EHMT1: variants seen among roughly 807,000 people sequenced by gnomAD.
EHMT1 encodes euchromatic histone lysine methyltransferase 1.
EHMT1 carries 15 observed loss-of-function variants against 147.2 expected under a neutral mutation model. The ratio of observed to expected loss-of-function variants is 0.10; its 90% CI spans 0.07 to 0.16. The LOEUF (loss-of-function observed/expected upper bound fraction) is 0.16, where lower values mean the gene tolerates loss of function less well. Ranked by LOEUF, EHMT1 falls within the 10% of genes least tolerant of loss-of-function variation. The pLI is 1.00. For missense variants in EHMT1, 1,587 were observed against 1,772.4 expected, an observed-to-expected ratio of 0.90 and a Z score of 1.88; for synonymous variants, 795 against 709.6, an observed-to-expected ratio of 1.12 and a Z score of -1.91.
intron 1 of EHMT1, among the ~76,000 whole-genome samples, chr9:137,644,584 C>T (rs1331170818): frequency 6.6e-6 from 1 of 152,074 alleles, no homozygotes; most frequent in East Asian, 1.9e-4. Flanking sequence ...CCTCGGCCTC[C>T]CAAAGTGCTG....
chr9:137,708,802 C>T (rs1944455822), intron 1 of EHMT1, among the ~76,000 whole-genome samples: 2 of 152,176 alleles, frequency 1.3e-5, no homozygotes, highest in Non-Finnish European at 2.9e-5. Flanking sequence ...GTCTGAGTGG[C>T]ATGTCCAGGC....
At chr9:137,658,529 C>T (rs1938727038) in intron 1 of EHMT1, among the ~76,000 whole-genome samples, 1 of 151,872 alleles carries the variant, frequency 6.6e-6, no homozygotes, top group Non-Finnish European at 1.5e-5. Context: ...GTGTTTCTGT[C>T]CCTTTACCTT....
In EHMT1 at chr9:137,703,654, C is replaced by A. The variant is rs78247858; in HGVS notation, c.22-7313C>A. Among the ~76,000 whole-genome samples the A allele has an allele frequency of 2.6e-5, 4 of 152,250 alleles. No individual in the cohort carries two copies. In the East Asian group the frequency reaches 5.8e-4, roughly 22 times the overall value. On this transcript the variant is annotated intron_variant, in intron 1 of 26. Transcript: ENST00000460843. ...ATAGGTTCCTCATCTCCATCTGAGA[C>A]CTCCTCAGCTTGGACTTCATTGTCC...
chr9:137,722,218 C>T (rs562770659), intron 3 of EHMT1, among the ~76,000 whole-genome samples: 2 of 152,098 alleles, frequency 1.3e-5, no homozygotes, highest in Non-Finnish European at 2.9e-5. Flanking sequence ...TCGTGAGGAT[C>T]TTTTATTGTC....
rs1366879711 is a variant in EHMT1, at chr9:137,782,035, C to A, written c.2276-256C>A. ...CACAGAAGGAACCTCAGAGTTAGAG[C>A]AGGGTGGTAAAGGGAAGAGCGTGCC... On this transcript the variant is annotated intron_variant, in intron 14 of 26. Transcript: ENST00000460843. This position sits in a 1 kb window ranked among gnomAD's most constrained non-coding sequence, Gnocchi z 5.7. 6.6e-6 allele frequency among the ~76,000 whole-genome samples: 1 copy of A among 152,218 alleles called. No individual in the cohort carries two copies. The highest frequency in any genetic ancestry group is 1.5e-5 in the Non-Finnish European group (1 of 68,032).
intron 1 of EHMT1, among the ~76,000 whole-genome samples, chr9:137,624,184 G>C (rs978108239): frequency 2.0e-5 from 3 of 151,804 alleles, no homozygotes; most frequent in Non-Finnish European, 2.9e-5. Context: ...TGTATTTTTA[G>C]TAGAGACGGG....
Position 137,828,295 on chromosome 9 carries a change from C to A in EHMT1, c.3541-6054C>A, listed in dbSNP as rs1955955703. On this transcript the variant is annotated intron_variant, in intron 25 of 26. Transcript: ENST00000460843. This position sits in a 1 kb window ranked among gnomAD's most constrained non-coding sequence, Gnocchi z 5.3. ...TCTTCAGGGTGCATGGAACCCACAC[C>A]CTGTCCCCAAAGATGCCCTGGACAT... Among the ~76,000 whole-genome samples the A allele has an allele frequency of 6.6e-6, 1 of 151,594 alleles. No homozygotes were observed. Among genetic ancestry groups the A allele is most frequent in the Admixed American group, 6.6e-5 (1 of 15,238 alleles).
rs146383113 is a variant in EHMT1 at position 137,679,939 on chromosome 9, C to G, written c.22-31028C>G. 2.3e-3 allele frequency among the ~76,000 whole-genome samples: 344 copies of G among 152,298 alleles called. 1 individual carries two copies. The highest frequency in any genetic ancestry group is 8.0e-3 in the African/African-American group (332 of 41,542). On this transcript the variant is annotated intron_variant, in intron 1 of 26. Transcript: ENST00000460843. The stretch of plus-strand genomic sequence containing the variant: ...TTTTATGATTCTTTCACTCATTGAT[C>G]TGCAATGCTGATGGCCTTCTCCTCC...
At chr9:137,769,244 CTAT>C (rs1950443254) in intron 10 of EHMT1, among the ~76,000 whole-genome samples, 2 of 149,128 alleles carry the variant, frequency 1.3e-5, no homozygotes, top group Middle Eastern at 3.4e-3. Context: ...AGTATATTGG[CTAT>C]TATTTTTGCT....
At chr9:137,725,975 G>A (rs954464828) in intron 3 of EHMT1, among the ~76,000 whole-genome samples, 1 of 152,140 alleles carries the variant, frequency 6.6e-6, no homozygotes, top group Non-Finnish European at 1.5e-5. Flanking sequence ...CCTCAGAGCT[G>A]TCTCTGCAGC....
chr9:137,633,509 G>A (rs897700052), intron 1 of EHMT1, among the ~76,000 whole-genome samples: 1 of 152,116 alleles, frequency 6.6e-6, no homozygotes, highest in African/African-American at 2.4e-5. Flanking sequence ...ACCGATAGCT[G>A]TTGCCATATT....
chr9:137,646,307 G>A (rs921321364), intron 1 of EHMT1: 23 of 974,980 alleles, frequency 2.4e-5, no homozygotes, highest in Non-Finnish European at 2.7e-5. Flanking sequence ...AATGATGTCT[G>A]TGGCATTTCC....
intron 1 of EHMT1, among the ~76,000 whole-genome samples, chr9:137,669,732 T>A (rs10867048): frequency 0.23 from 35,393 of 151,410 alleles, 4,616 homozygotes; most frequent in African/African-American, 0.34. Flanking sequence ...TCTCTTTTTT[T>A]AAAAAAAAAT....
Position 137,752,327 on chromosome 9 carries a change from T to G in EHMT1, c.1171-4T>G. On this transcript the variant is annotated splice_region_variant and splice_polypyrimidine_tract_variant and intron_variant, in intron 6 of 26. Coordinates refer to ENST00000460843, the MANE Select transcript of EHMT1 (RefSeq NM_024757.5). ...GTTCCCGCTTCGACTGTGTGGCTGA[T>G]CAGATGGACGGGGAGTCCGAGGAGG... The G allele has an allele frequency of 6.2e-7, 1 of 1,614,134 alleles. No homozygotes were observed. Among genetic ancestry groups the G allele is most frequent in the East Asian group, 2.2e-5 (1 of 44,880 alleles).
chr9:137,667,353 G>C (rs1403617950), intron 1 of EHMT1: 1 of 152,210 alleles, frequency 6.6e-6, no homozygotes, highest in African/African-American at 2.4e-5. Flanking sequence ...TCATCTCTTT[G>C]GAGTTGAAAA....
chr9:137,717,221 T>A (rs1257162813), intron 3 of EHMT1, 39 bp downstream of exon 3: 2 of 1,604,900 alleles, frequency 1.2e-6, no homozygotes, highest in African/African-American at 2.7e-5. Context: ...CTTTTTCCCA[T>A]CTCTTTTGTT....
intron 1 of EHMT1, chr9:137,638,220 C>G (rs538250635): frequency 2.0e-5 from 3 of 152,048 alleles, no homozygotes; most frequent in African/African-American, 4.8e-5. Flanking sequence ...AAGCAATTCT[C>G]CTGCCTCTGC....
At chr9:137,815,526 G>C in intron 22 of EHMT1, 2 of 304,670 alleles carry the variant, frequency 6.6e-6, no homozygotes, top group South Asian at 6.2e-5. Flanking sequence ...GGGGAGCAGA[G>C]GGCTGGGTCC....
At chr9:137,781,375 T>C (rs72502735) in intron 14 of EHMT1, among the ~76,000 whole-genome samples, 1 of 146,704 alleles carries the variant, frequency 6.8e-6, no homozygotes, top group Non-Finnish European at 1.5e-5. Context: ...GTGATGACGC[T>C]GGGATGTGTG....
Sources: allele counts gnomAD v4.1 joint callset (sites outside exome capture counted in the v4.1 genomes callset), GRCh38; gene constraint gnomAD v4.1.1; non-coding constraint Gnocchi (gnomAD v3.1); transcripts MANE v1.5; gene names NCBI Gene and HGNC (gene_info 2026-07-23, HGNC 2026-07-21).